EXOC4: variants seen among roughly 807,000 people sequenced by gnomAD.
EXOC4 encodes SEC8-like 1.
EXOC4 carries 71 observed loss-of-function variants against 107.2 expected under a neutral mutation model. The observed-to-expected ratio is 0.66, with a 90% confidence interval of 0.55 to 0.81. The LOEUF (loss-of-function observed/expected upper bound fraction) is 0.81, where lower values mean the gene tolerates loss of function less well. Ranked by LOEUF, EXOC4 falls within the 30% of genes least tolerant of loss-of-function variation. The pLI, the probability that EXOC4 is intolerant of heterozygous loss-of-function variation, is 0.00. For missense variants in EXOC4, 1,108 were observed against 1,189.6 expected, an observed-to-expected ratio of 0.93 and a Z score of 1.01; for synonymous variants, 456 against 441.2, an observed-to-expected ratio of 1.03 and a Z score of -0.42.
intron 10 of EXOC4, chr7:133,732,352 G>A (rs1307323218): frequency 6.6e-6 from 1 of 152,248 alleles, no homozygotes; most frequent in Non-Finnish European, 1.5e-5. Flanking sequence ...CCTAGGTGAT[G>A]GGTTATAGGT....
chr7:133,878,896 T>A (rs1250371593), intron 11 of EXOC4, among the ~76,000 whole-genome samples: 2 of 151,990 alleles, frequency 1.3e-5, no homozygotes, highest in East Asian at 3.9e-4. Flanking sequence ...GGCTAATTTT[T>A]GTATTTTTAG....
chr7:133,480,481 T>G (rs984051383), intron 9 of EXOC4: 1 of 1,096,428 alleles, frequency 9.1e-7, no homozygotes, highest in African/African-American at 1.6e-5. Context: ...TTGTTGTTTT[T>G]GACACCTTCT....
chr7:133,704,585 C>A (rs879719173), intron 10 of EXOC4, among the ~76,000 whole-genome samples: 8 of 152,154 alleles, frequency 5.3e-5, no homozygotes, highest in Non-Finnish European at 7.3e-5. Context: ...AGGTCTTAGC[C>A]CCATCCTGGG....
intron 11 of EXOC4, among the ~76,000 whole-genome samples, chr7:133,880,245 A>G (rs1798937054): frequency 6.6e-6 from 1 of 152,194 alleles, no homozygotes; most frequent in African/African-American, 2.4e-5. Flanking sequence ...GTAGATTACC[A>G]TCACCCCTGA....
intron 11 of EXOC4, among the ~76,000 whole-genome samples, chr7:133,870,277 A>C (rs1350527005): frequency 1.3e-5 from 2 of 152,170 alleles, no homozygotes; most frequent in African/African-American, 2.4e-5. Context: ...AGTGACAAAA[A>C]TTTTTAAAAT....
intron 14 of EXOC4, among the ~76,000 whole-genome samples, chr7:133,991,454 G>A (rs1016991215): frequency 2.6e-5 from 4 of 151,704 alleles, no homozygotes. Flanking sequence ...TTTTGGCTTG[G>A]CGTAATCCCA....
chr7:133,724,547 A>T (rs1340169456), intron 10 of EXOC4, among the ~76,000 whole-genome samples: 1 of 151,984 alleles, frequency 6.6e-6, no homozygotes, highest in East Asian at 1.9e-4. Context: ...GACAAAACAG[A>T]AAAAAATTTT....
At chr7:134,080,897 G>T in the EXOC4 span, among the ~76,000 whole-genome samples, 1 of 152,116 alleles carries the variant, frequency 6.6e-6, no homozygotes, top group Non-Finnish European at 1.5e-5. Context: ...ATTGAGCTAT[G>T]ATCGTGCTAC....
chr7:133,282,875 A>G (rs2150535428), intron 2 of EXOC4, among the ~76,000 whole-genome samples: 1 of 152,290 alleles, frequency 6.6e-6, no homozygotes, highest in African/African-American at 2.4e-5. Flanking sequence ...GGGTTTCTTG[A>G]ACTTACTTCT....
At chr7:133,492,596 G>A (rs969411789) in intron 9 of EXOC4, among the ~76,000 whole-genome samples, 4 of 151,992 alleles carry the variant, frequency 2.6e-5, no homozygotes, top group Admixed American at 2.0e-4. Flanking sequence ...ATGGAGTTAC[G>A]GTTTTCTTCC....
chr7:133,455,396 G>C (rs1374499766), intron 7 of EXOC4, among the ~76,000 whole-genome samples: 1 of 152,156 alleles, frequency 6.6e-6, no homozygotes. Flanking sequence ...GGGGTTAGGG[G>C]AGGTGGGGAT....
At position 133,404,871 on chromosome 7, in the gene EXOC4, GCC is replaced by G. The variant is rs149404161; in HGVS notation, c.1182+29879_1182+29880del. ...GTGAGACTGCGCCTCCACCCCCTGC[GCC>G]CCCCCCCCCAATACACACACACACA... is the stretch of plus-strand genomic sequence containing the variant. On this transcript the variant is annotated intron_variant, in intron 7 of 17. Coordinates refer to ENST00000253861, the MANE Select transcript of EXOC4 (RefSeq NM_021807.4). Among the ~76,000 whole-genome samples, 528 of 86,770 alleles carry G rather than the reference GCC, an allele frequency of 6.1e-3. 12 individuals carry two copies. Among genetic ancestry groups the G allele is most frequent in the African/African-American group, 0.02 (438 of 22,050 alleles). 56.9% of individuals were successfully genotyped at this position (86,770 alleles called of 152,430 possible). A position where few individuals can be genotyped will look rare whatever the true frequency, so the allele number is the denominator to read the frequency against.
rs530940383 is a variant in EXOC4 at position 133,831,898 on chromosome 7, TA to T, written c.1734+14356del. On this transcript the variant is annotated intron_variant, in intron 11 of 17. Coordinates refer to ENST00000253861, the MANE Select transcript of EXOC4 (RefSeq NM_021807.4). ...GAGTTCATACTGATGTCTCCAACAC[TA>T]ATCTATAACTACATGGAGCATTCTA... 5.9e-5 allele frequency among the ~76,000 whole-genome samples: 9 copies of T among 152,360 alleles called. No individual in the cohort carries two copies. In the South Asian group the frequency reaches 1.7e-3, roughly 28 times the overall value.
At chr7:134,070,010 G>A (rs796597025), downstream of EXOC4, among the ~76,000 whole-genome samples, 2 of 152,166 alleles carry the variant, frequency 1.3e-5, no homozygotes, top group African/African-American at 4.8e-5. Flanking sequence ...CCCTCTAGCA[G>A]GATGTGAAAA....
At chr7:133,905,041 A>C (rs1799536252) in intron 12 of EXOC4, among the ~76,000 whole-genome samples, 1 of 152,196 alleles carries the variant, frequency 6.6e-6, no homozygotes, top group Non-Finnish European at 1.5e-5. Flanking sequence ...TATACAATTC[A>C]AATGATCCAA....
At chr7:133,484,162 C>T (rs1224194784) in intron 9 of EXOC4, 5 of 1,602,330 alleles carry the variant, frequency 3.1e-6, no homozygotes, top group Non-Finnish European at 4.3e-6. Context: ...GTGACTCAGT[C>T]TAACAACACC....
chr7:133,346,712 AAT>A (rs776290900), intron 5 of EXOC4, among the ~76,000 whole-genome samples: 15 of 152,178 alleles, frequency 9.9e-5, no homozygotes, highest in Non-Finnish European at 2.2e-4. Flanking sequence ...AATTCTATTC[AAT>A]AGTGACAGTT....
intron 10 of EXOC4, among the ~76,000 whole-genome samples, chr7:133,755,195 A>G (rs1795872056): frequency 1.5e-5 from 2 of 133,328 alleles, no homozygotes; most frequent in South Asian, 4.5e-4. Flanking sequence ...CAGTTAGTAA[A>G]CCATTTGTTT....
chr7:133,662,682 T>G (rs1036624381), intron 10 of EXOC4, among the ~76,000 whole-genome samples: 5 of 152,106 alleles, frequency 3.3e-5, no homozygotes, highest in African/African-American at 1.2e-4. Context: ...CCATTCCTCC[T>G]CTTTTCTAAA....
Sources: allele counts gnomAD v4.1 joint callset (sites outside exome capture counted in the v4.1 genomes callset), GRCh38; gene constraint gnomAD v4.1.1; transcripts MANE v1.5; gene names NCBI Gene and HGNC (gene_info 2026-07-23, HGNC 2026-07-21).